ESPNL: variants seen among roughly 807,000 people sequenced by gnomAD.
ESPNL encodes espin-like protein.
Under a neutral mutation model 46.8 loss-of-function variants are expected in ESPNL, and 49 were observed. The ratio of observed to expected loss-of-function variants is 1.05; its 90% CI spans 0.83 to 1.33. ESPNL has a LOEUF of 1.33. ESPNL is among the 40% of genes most tolerant of loss of function. ESPNL has a pLI of 0.00. For missense variants in ESPNL, 1,540 were observed against 1,436.6 expected, an observed-to-expected ratio of 1.07 and a Z score of -1.16; for synonymous variants, 664 against 662.1, an observed-to-expected ratio of 1.00 and a Z score of -0.04.
chr2:238,119,462 AAGGAGGAATGG>A (rs1691931553), intron 5 of ESPNL, among the ~76,000 whole-genome samples: 3 of 79,802 alleles, frequency 3.8e-5, no homozygotes, highest in African/African-American at 5.7e-5. Context: ...AGGTTAGATG[AAGGAGGAATGG>A]ATGGAGGAGG....
rs764637081 is a variant in ESPNL, at chr2:238,131,554, T to C, written c.2840T>C (p.Leu947Pro). Residue 947 changes from leucine (L) to proline (P), a missense_variant, in exon 9 of 9, where the codon CTG (leucine) becomes CCG (proline). Coordinates refer to ENST00000343063, the MANE Select transcript of ESPNL (RefSeq NM_194312.4). ...CCTGGCCGCAAGTCAGGTCTGACCCTGCTCGGGCCCCTGCCTCACGCCGCC... is the reference window on the plus strand; with the variant it reads ...CCTGGCCGCAAGTCAGGTCTGACCCCGCTCGGGCCCCTGCCTCACGCCGCC... ...TEPGRKSGLTLLGPLPHAAVP... is the reference protein window; with the variant it reads ...TEPGRKSGLTPLGPLPHAAVP... 1 of 1,611,114 alleles carries C rather than the reference T, an allele frequency of 6.2e-7. No homozygotes were observed. The highest frequency in any genetic ancestry group is 8.5e-7 in the Non-Finnish European group (1 of 1,179,056).
intron 7 of ESPNL, among the ~76,000 whole-genome samples, chr2:238,128,311 A>C (rs1692188332): frequency 6.6e-6 from 1 of 152,146 alleles, no homozygotes; most frequent in Admixed American, 6.5e-5. Flanking sequence ...CGGCACATTG[A>C]AGGCTCTGAC....
chr2:238,128,860 A>C lies in ESPNL; in HGVS notation c.1369A>C (p.Lys457Gln), dbSNP rs1048527234. 1.3e-6 allele frequency: 2 copies of C among 1,547,294 alleles called. No homozygotes were observed. The highest frequency in any genetic ancestry group is 2.7e-5 in the African/African-American group (2 of 73,002). Residue 457 changes from lysine to glutamine, a missense_variant, in exon 8 of 9, where the codon AAG (lysine) becomes CAG (glutamine). Transcript: ENST00000343063. The part of the protein sequence containing the change: ...PEWKRQVMVR[K>Q]LQARLGAESS... ...GTGGAAGCGGCAGGTGATGGTGCGG[A>C]AGCTGCAGGCGCGCCTGGGCGCAGA...
chr2:238,109,821 C>T (rs13406846), intron 4 of ESPNL, among the ~76,000 whole-genome samples: 5,147 of 60,888 alleles, frequency 0.085, 405 homozygotes, highest in African/African-American at 0.28. Flanking sequence ...GGATGCCATA[C>T]GTTACCGAGT....
chr2:238,111,714 G>A (rs971142718), intron 4 of ESPNL, among the ~76,000 whole-genome samples: 9 of 152,050 alleles, frequency 5.9e-5, no homozygotes, highest in Non-Finnish European at 1.5e-5. Context: ...TCTGCCTTTT[G>A]ACTATTGTGA....
At chr2:238,129,139 G>T (rs1353147557) in intron 8 of ESPNL, 16 of 1,399,600 alleles carry the variant, frequency 1.1e-5, no homozygotes, top group Middle Eastern at 2.6e-4. Flanking sequence ...CTTCCACTTG[G>T]CGGATTTGTG....
rs1206389406 is a variant in ESPNL, at chr2:238,126,056, ATGTG to A, written c.1102+677_1102+680del. ...TGTCTGTGTGATTATGTCTGTGTGTATGTGTGTGATTGTTCATGTGTGTCTGTGT... is the reference window on the plus strand; with the variant it reads ...TGTCTGTGTGATTATGTCTGTGTGTATGTGATTGTTCATGTGTGTCTGTGT... On this transcript the variant is annotated intron_variant, in intron 6 of 8. Coordinates refer to ENST00000343063, the MANE Select transcript of ESPNL (RefSeq NM_194312.4). 2.1e-5 allele frequency among the ~76,000 whole-genome samples: 3 copies of A among 140,774 alleles called. No individual in the cohort carries two copies. The South Asian group carries it at 7.1e-4, about 33-fold the overall frequency. The allele number at this position is 140,774 out of a possible 152,430, so 92.4% of individuals were successfully genotyped here.
rs766732138 is a variant in ESPNL at position 238,131,445 on chromosome 2, G to A, written c.2731G>A (p.Gly911Ser). The change falls in exon 9 of 9, where the codon GGC becomes AGC. Residue 911 changes from glycine (G) to serine (S), a missense_variant. Transcript: ENST00000343063. The stretch of plus-strand genomic sequence containing the variant: ...GGCCGTGACCGACGAGGTGGCCGCC[G>A]GCCGCCGGGCCTGGACCGACGGCTT... ...HKAVTDEVAA[G>S]RRAWTDGFED... 2.2e-5 allele frequency: 35 copies of A among 1,609,420 alleles called. No individual in the cohort carries two copies. In the African/African-American group the frequency reaches 2.3e-4, roughly 10 times the overall value.
chr2:238,129,331 A>C (rs1025309520), intron 8 of ESPNL: 4 of 909,054 alleles, frequency 4.4e-6, no homozygotes, highest in Non-Finnish European at 5.3e-6. Flanking sequence ...CCCTCTGGGG[A>C]CGTGGCCTTG....
intron 5 of ESPNL, among the ~76,000 whole-genome samples, chr2:238,123,946 G>A (rs965547787): frequency 2.6e-5 from 4 of 152,166 alleles, no homozygotes; most frequent in African/African-American, 4.8e-5. Flanking sequence ...GAGGCAGCCT[G>A]TGCCACCTTG....
Position 238,133,022 on chromosome 2 carries a change from A to C in ESPNL, c.*1290A>C, listed in dbSNP as rs1317848960. On this transcript the variant is annotated 3_prime_UTR_variant, in exon 9 of 9. Coordinates refer to ENST00000343063, the MANE Select transcript of ESPNL (RefSeq NM_194312.4). ...TGGAGGGCAGCGGGCAAGCTGTTGGATGGAACAGAGAGACCCTCGCAGCTG... is the reference window on the plus strand; with the variant it reads ...TGGAGGGCAGCGGGCAAGCTGTTGGCTGGAACAGAGAGACCCTCGCAGCTG... 6.6e-6 allele frequency: 1 copy of C among 152,276 alleles called. No individual in the cohort carries two copies. Among genetic ancestry groups the C allele is most frequent in the African/African-American group, 2.4e-5 (1 of 41,432 alleles). 9.4% of individuals were successfully genotyped at this position (152,276 alleles called of 1,614,324 possible).
Position 238,106,065 on chromosome 2 carries a change from C to T in ESPNL, c.672+1223C>T, listed in dbSNP as rs1691591201. Among the ~76,000 whole-genome samples, 5 of 152,336 alleles carry T rather than the reference C, an allele frequency of 3.3e-5. No individual in the cohort carries two copies. In the South Asian group the frequency reaches 1.0e-3, roughly 32 times the overall value. On this transcript the variant is annotated intron_variant, in intron 3 of 8. Transcript: ENST00000343063. ...GACCATCCTCACTCCTGCTTTCCTC[C>T]CCACCGGCGCACCAGCACCAGGCAC...
chr2:238,100,700 G>T lies in ESPNL; in HGVS notation c.281G>T (p.Gly94Val). ...CTGTGCTGGCTGGTCCGCGAGGGGG[G>T]CTGCGGTCTGCAGGTGAGCGGGGAT... The part of the protein sequence containing the change: ...AELCWLVREG[G>V]CGLQDQDASG... The change falls in exon 1 of 9, where the codon GGC becomes GTC. Residue 94 changes from glycine to valine, a missense_variant. Transcript: ENST00000343063. 2 of 1,421,100 alleles carry T rather than the reference G, an allele frequency of 1.4e-6. No homozygotes were observed. The highest frequency in any genetic ancestry group is 1.5e-5 in the South Asian group (1 of 65,758). 88.0% of individuals were successfully genotyped at this position (1,421,100 alleles called of 1,614,324 possible).
At chr2:238,107,103 T>A (rs920831567) in intron 3 of ESPNL, among the ~76,000 whole-genome samples, 1 of 152,186 alleles carries the variant, frequency 6.6e-6, no homozygotes, top group Non-Finnish European at 1.5e-5. Context: ...GAAGGCAGGC[T>A]GTCCTAGGAG....
intron 6 of ESPNL, 164 bp from the exon 7 acceptor site, chr2:238,127,458 A>C: frequency 1.8e-5 from 23 of 1,259,508 alleles, no homozygotes; most frequent in East Asian, 6.6e-5. Context: ...GAGAAGGTCC[A>C]GTGGGGCCCC....
At chr2:238,127,493 C>T in intron 6 of ESPNL, 129 bp from the exon 7 acceptor site, 2 of 862,708 alleles carry the variant, frequency 2.3e-6, no homozygotes, top group Non-Finnish European at 3.4e-6. Flanking sequence ...GCAGGGTGGG[C>T]TGGGGTCAGC....
At chr2:238,124,654 T>G (rs751250231) in intron 5 of ESPNL, among the ~76,000 whole-genome samples, 4 of 150,168 alleles carry the variant, frequency 2.7e-5, no homozygotes, top group Non-Finnish European at 5.9e-5. Context: ...TACGTGCATG[T>G]GTGCAGGAGA....
At position 238,130,242 on chromosome 2, in the gene ESPNL, C is replaced by G. The variant is rs945126335; in HGVS notation, c.1528C>G (p.Leu510Val). Residue 510 changes from leucine (L) to valine (V), a missense_variant, in exon 9 of 9, where the codon CTG becomes GTG. Transcript: ENST00000343063. ...GCTGACAGAGGATGACCTGGTCTAC[C>G]TGGAGAAGCAGATTGCAGACCTGCA... ...ELLTEDDLVY[L>V]EKQIADLQLR... The G allele has an allele frequency of 1.9e-6, 3 of 1,610,876 alleles. No homozygotes were observed. The highest frequency in any genetic ancestry group is 2.5e-6 in the Non-Finnish European group (3 of 1,179,134).
chr2:238,132,072 G>A lies in ESPNL; in HGVS notation c.*340G>A. The A allele has an allele frequency of 4.4e-6, 1 of 227,464 alleles. No homozygotes were observed. Among genetic ancestry groups the A allele is most frequent in the Non-Finnish European group, 8.6e-6 (1 of 116,532 alleles). 14.1% of individuals were successfully genotyped at this position (227,464 alleles called of 1,614,324 possible). ...CTTCCCCAGTGTCACCAGTTCCCTT[G>A]GCGTCCTGTCCCTCAGTTTCTGTGG... On this transcript the variant is annotated 3_prime_UTR_variant, in exon 9 of 9. Transcript: ENST00000343063.
Sources: allele counts gnomAD v4.1 joint callset (sites outside exome capture counted in the v4.1 genomes callset), GRCh38; gene constraint gnomAD v4.1.1; transcripts MANE v1.5; gene names NCBI Gene and HGNC (gene_info 2026-07-23, HGNC 2026-07-21).